CTNNA2: variants seen among roughly 807,000 people sequenced by gnomAD.
The protein encoded by CTNNA2 is catenin alpha-2.
A neutral mutation model predicts 101.0 loss-of-function variants in CTNNA2; 42 were observed. The observed-to-expected ratio is 0.42, with a 90% CI of 0.32 to 0.54. The LOEUF is 0.54. CTNNA2 is among the 20% of genes least tolerant of loss of function. The pLI, the probability that CTNNA2 is intolerant of heterozygous loss-of-function variation, is 0.14. For missense variants in CTNNA2, 871 were observed against 1,223.1 expected (o/e 0.71, Z 4.29); for synonymous variants, 450 against 456.4 (o/e 0.99, Z 0.18).
chr2:79,424,140 C>G (rs954741111), intron 4 of CTNNA2, among the ~76,000 whole-genome samples: 16 of 152,000 alleles, frequency 1.1e-4, no homozygotes, highest in African/African-American at 3.9e-4. Flanking sequence ...ACCGGTTCAG[C>G]CAGAGAGGGA....
intron 3 of CTNNA2, among the ~76,000 whole-genome samples, chr2:79,765,683 C>T (rs565346392): frequency 2.0e-5 from 3 of 152,092 alleles, no homozygotes; most frequent in East Asian, 3.9e-4. Context: ...TTTTCTCCCC[C>T]ACAGGAATAT....
At chr2:79,725,387 G>T (rs1041545893) in intron 2 of CTNNA2, among the ~76,000 whole-genome samples, 1 of 152,178 alleles carries the variant, frequency 6.6e-6, no homozygotes, top group African/African-American at 2.4e-5. Flanking sequence ...CATTGTTCAA[G>T]ACAGTTGTGC....
At position 79,991,770 on chromosome 2, in the gene CTNNA2, C is replaced by T. The variant is rs147093564; in HGVS notation, c.1056+81973C>T. On this transcript the variant is annotated intron_variant, in intron 7 of 18. Coordinates refer to ENST00000402739, the MANE Select transcript of CTNNA2 (RefSeq NM_001282597.3). ...CATCCACTTTGGCTCCAAAATGGCT[C>T]CAGCCTCCCGTTTGTTGGAAAATCA... is the stretch of plus-strand genomic sequence containing the variant. 1.3e-3 allele frequency among the ~76,000 whole-genome samples: 201 copies of T among 152,196 alleles called. 2 individuals are homozygous for T. The East Asian group carries it at 0.021, about 16-fold the overall frequency.
intron 2 of CTNNA2, among the ~76,000 whole-genome samples, chr2:79,725,598 A>C (rs1274536252): frequency 6.6e-6 from 1 of 152,242 alleles, no homozygotes; most frequent in Non-Finnish European, 1.5e-5. Flanking sequence ...TCTCATAACT[A>C]TACTCATTCA....
intron 7 of CTNNA2, among the ~76,000 whole-genome samples, chr2:79,992,786 G>A (rs895519915): frequency 3.3e-5 from 5 of 152,104 alleles, no homozygotes; most frequent in African/African-American, 1.2e-4. Context: ...GAGTATAGTA[G>A]GCATGTATAA....
At chr2:79,868,716 CTCTT>C (rs1440358581) in intron 4 of CTNNA2, among the ~76,000 whole-genome samples, 1 of 152,174 alleles carries the variant, frequency 6.6e-6, no homozygotes, top group African/African-American at 2.4e-5. Context: ...TTTCTCATTA[CTCTT>C]TCTTTCAAAG....
chr2:79,280,657 A>AGAGAGAG (rs1334847406), intron 2 of CTNNA2, among the ~76,000 whole-genome samples: 21 of 50,224 alleles, frequency 4.2e-4, no homozygotes, highest in South Asian at 8.4e-4. Context: ...GTGTGTGTGT[A>AGAGAGAG]AGAGAAAGAG....
chr2:80,105,418 C>G (rs1212751961), intron 7 of CTNNA2, among the ~76,000 whole-genome samples: 1 of 152,158 alleles, frequency 6.6e-6, no homozygotes, highest in African/African-American at 2.4e-5. Flanking sequence ...AAAGCTTTAC[C>G]TATCACTGTT....
At chr2:80,057,095 T>G (rs1173366177) in intron 7 of CTNNA2, among the ~76,000 whole-genome samples, 1 of 152,226 alleles carries the variant, frequency 6.6e-6, no homozygotes, top group Non-Finnish European at 1.5e-5. Context: ...GGCCTCATTC[T>G]GTTTAAATAT....
At chr2:79,899,629 CA>C (rs548651171) in intron 6 of CTNNA2, among the ~76,000 whole-genome samples, 23 of 152,340 alleles carry the variant, frequency 1.5e-4, no homozygotes, top group Non-Finnish European at 2.6e-4. Context: ...ATTATTAAGT[CA>C]TTATCTTTGT....
rs192636016 is a variant in CTNNA2 at position 80,037,131 on chromosome 2, C to G, written c.1056+127334C>G. Among the ~76,000 whole-genome samples the G allele has an allele frequency of 3.2e-4, 49 of 152,264 alleles. 2 individuals carry two copies. The highest frequency in any genetic ancestry group is 1.2e-3 in the Admixed American group (18 of 15,292). Reference sequence around the variant, plus strand: ...GATGGACCAGTTTCTCTTTTGCTAGCTGTCCTAGCTCAGATTCTGGACTTG... The same window carrying G: ...GATGGACCAGTTTCTCTTTTGCTAGGTGTCCTAGCTCAGATTCTGGACTTG... On this transcript the variant is annotated intron_variant, in intron 7 of 18. Coordinates refer to ENST00000402739, the MANE Select transcript of CTNNA2 (RefSeq NM_001282597.3).
Position 79,651,617 on chromosome 2 carries a change from A to G in CTNNA2, c.61A>G (p.Thr21Ala). 1 of 1,613,826 alleles carries G rather than the reference A, an allele frequency of 6.2e-7. No homozygotes were observed. The highest frequency in any genetic ancestry group is 8.5e-7 in the Non-Finnish European group (1 of 1,179,828). Residue 21 changes from threonine to alanine, a missense_variant, in exon 2 of 19, where the codon ACG becomes GCG. Physicochemically the swap from Thr to Ala is moderately conservative, Grantham distance 58. Transcript: ENST00000402739. ...GGACCCCAAAAGTTTGGAAATCCGG[A>G]CGCTAACAGTGGAAAGGCTGTTGGA... ...KWDPKSLEIRTLTVERLLEPL... is the reference protein window; with the variant it reads ...KWDPKSLEIRALTVERLLEPL...
intron 7 of CTNNA2, among the ~76,000 whole-genome samples, chr2:80,207,579 T>C (rs1707610220): frequency 6.6e-6 from 1 of 151,876 alleles, no homozygotes; most frequent in Non-Finnish European, 1.5e-5. Context: ...AGGGATAGAG[T>C]TGGCATTGCT....
At chr2:79,837,830 A>G (rs572304387) in intron 3 of CTNNA2, among the ~76,000 whole-genome samples, 1 of 152,310 alleles carries the variant, frequency 6.6e-6, no homozygotes, top group Admixed American at 6.5e-5. Flanking sequence ...GCCTATGGGA[A>G]AATAACACAA....
intron 7 of CTNNA2, among the ~76,000 whole-genome samples, chr2:80,125,971 G>A (rs1199826865): frequency 2.0e-5 from 3 of 152,144 alleles, no homozygotes; most frequent in Admixed American, 2.0e-4. Context: ...AAGCAATAAT[G>A]ATTGGAAAGT....
chr2:79,422,853 A>G (rs911000990), intron 4 of CTNNA2, among the ~76,000 whole-genome samples: 1 of 152,252 alleles, frequency 6.6e-6, no homozygotes, highest in Non-Finnish European at 1.5e-5. Context: ...TTAACAATGT[A>G]GGAAGAAGAC....
At chr2:79,315,088 G>C (rs1283249941) in intron 3 of CTNNA2, among the ~76,000 whole-genome samples, 2 of 151,970 alleles carry the variant, frequency 1.3e-5, no homozygotes, top group African/African-American at 4.8e-5. Flanking sequence ...TCTCTCTAGG[G>C]CTCTCCTTCC....
At chr2:79,881,515 A>G (rs1683423295) in intron 6 of CTNNA2, among the ~76,000 whole-genome samples, 1 of 152,108 alleles carries the variant, frequency 6.6e-6, no homozygotes, top group Non-Finnish European at 1.5e-5. Flanking sequence ...GTGCATATAT[A>G]TTTAGAATAG....
intron 7 of CTNNA2, among the ~76,000 whole-genome samples, chr2:80,137,589 G>T (rs529041375): frequency 2.3e-4 from 35 of 152,218 alleles, no homozygotes; most frequent in African/African-American, 8.4e-4. Flanking sequence ...CTAATGAAAG[G>T]CTAGTTAAGT....
Sources: allele counts gnomAD v4.1 joint callset (sites outside exome capture counted in the v4.1 genomes callset), GRCh38; gene constraint gnomAD v4.1.1; transcripts MANE v1.5; gene names NCBI Gene and HGNC (gene_info 2026-07-23, HGNC 2026-07-21).